CLDN16: variants seen among roughly 807,000 people sequenced by gnomAD.
CLDN16 encodes the protein claudin-16.
Under a neutral mutation model 24.6 loss-of-function variants are expected in CLDN16, and 13 were observed. The ratio of observed to expected loss-of-function variants is 0.53; its 90% confidence interval spans 0.34 to 0.84. The LOEUF (loss-of-function observed/expected upper bound fraction) is 0.84, where lower values mean the gene tolerates loss of function less well. Among genes scored for constraint, CLDN16 ranks in the 40% least tolerant of loss-of-function variants. The pLI is 0.01. For synonymous variants in CLDN16, 116 were observed against 106.7 expected (o/e 1.09, Z -0.54); for missense variants, 298 against 292.7 (o/e 1.02, Z -0.13).
the CLDN16 span, among the ~76,000 whole-genome samples, chr3:190,316,247 T>C: frequency 6.6e-6 from 1 of 152,226 alleles, no homozygotes; most frequent in Non-Finnish European, 1.5e-5. Flanking sequence ...AAATGTCGTT[T>C]TGCAAAGTAA....
At position 190,410,235 on chromosome 3, in the gene CLDN16, C is replaced by A. The variant is rs1034332544; in HGVS notation, c.*199C>A. 3 of 614,278 alleles carry A rather than the reference C, an allele frequency of 4.9e-6. No homozygotes were observed. Among genetic ancestry groups the A allele is most frequent in the Admixed American group, 2.6e-5 (1 of 38,952 alleles). 38.1% of individuals were successfully genotyped at this position (614,278 alleles called of 1,614,324 possible). On this transcript the variant is annotated 3_prime_UTR_variant, in exon 5 of 5. Coordinates refer to ENST00000264734, the MANE Select transcript of CLDN16 (RefSeq NM_006580.4). Reference sequence around the variant, plus strand: ...ATTTTCCCGTCATTCTCTCTGCTAACCTTCCACCTTATGCACACACTTTCC... The same window carrying A: ...ATTTTCCCGTCATTCTCTCTGCTAAACTTCCACCTTATGCACACACTTTCC...
intron 1 of CLDN16, among the ~76,000 whole-genome samples, chr3:190,396,274 C>A (rs569775151): frequency 2.0e-5 from 3 of 152,280 alleles, no homozygotes; most frequent in Admixed American, 1.3e-4. Context: ...TAAACACTTT[C>A]CAGAGCCAGT....
At chr3:190,318,420 T>G (rs1716826475), upstream of CLDN16, among the ~76,000 whole-genome samples, 1 of 152,198 alleles carries the variant, frequency 6.6e-6, no homozygotes, top group South Asian at 2.1e-4. Flanking sequence ...GGAAGGAATC[T>G]TAGAACTCAT....
At chr3:190,339,768 T>C (rs896532043) in intron 1 of CLDN16, among the ~76,000 whole-genome samples, 1 of 152,224 alleles carries the variant, frequency 6.6e-6, no homozygotes, top group Non-Finnish European at 1.5e-5. Context: ...GCGGAGCTTG[T>C]AGTCTTAATA....
In CLDN16 at chr3:190,408,493, T is replaced by C. The variant is rs143097871; in HGVS notation, c.562T>C (p.Tyr188His). The C allele has an allele frequency of 6.1e-5, 98 of 1,614,000 alleles. No individual in the cohort carries two copies. The African/African-American group carries it at 1.3e-3, about 21-fold the overall frequency. ...LAGAVLTCCL[Y>H]LFKDVGPERN... is the part of the protein sequence containing the mutation. The stretch of plus-strand genomic sequence containing the variant: ...TGGAGCTGTTCTCACCTGCTGCTTA[T>C]ATCTTTTTAAAGGTAAGAATAAAAT... Residue 188 changes from tyrosine (Y) to histidine (H), a missense_variant, in exon 4 of 5, where the codon TAT (tyrosine) becomes CAT (histidine). Tyr to His is a moderately conservative substitution (Grantham distance 83). Transcript: ENST00000264734.
chr3:190,359,064 T>A (rs909853798), intron 1 of CLDN16, among the ~76,000 whole-genome samples: 2 of 152,032 alleles, frequency 1.3e-5, no homozygotes, highest in African/African-American at 4.8e-5. Context: ...CTCAAGTTAA[T>A]AAACTTTTCT....
intron 1 of CLDN16, among the ~76,000 whole-genome samples, 199 bp downstream of exon 1, chr3:190,388,642 A>G (rs1718571790): frequency 6.6e-6 from 1 of 152,204 alleles, no homozygotes; most frequent in Non-Finnish European, 1.5e-5. Context: ...TTGTTATCCC[A>G]TTAAACAGAT....
intron 1 of CLDN16, among the ~76,000 whole-genome samples, chr3:190,359,444 A>G (rs1717842339): frequency 6.6e-6 from 1 of 152,084 alleles, no homozygotes; most frequent in Non-Finnish European, 1.5e-5. Context: ...AATCCAGTGC[A>G]GCTTTATTGC....
chr3:190,368,155 A>G (rs1277986525), intron 1 of CLDN16, among the ~76,000 whole-genome samples: 3 of 151,972 alleles, frequency 2.0e-5, no homozygotes, highest in Non-Finnish European at 2.9e-5. Flanking sequence ...TGTGTGATCA[A>G]TAGAATTCAG....
intron 1 of CLDN16, among the ~76,000 whole-genome samples, chr3:190,335,151 C>T (rs1422584910): frequency 6.6e-6 from 1 of 151,428 alleles, no homozygotes; most frequent in Non-Finnish European, 1.5e-5. Flanking sequence ...TCAAGCGATT[C>T]TCCTGCCACA....
intron 1 of CLDN16, among the ~76,000 whole-genome samples, chr3:190,340,514 C>T (rs959732265): frequency 6.6e-6 from 1 of 152,072 alleles, no homozygotes; most frequent in Non-Finnish European, 1.5e-5. Flanking sequence ...ACAGGAAAGA[C>T]CTCCCACCCA....
intron 1 of CLDN16, among the ~76,000 whole-genome samples, chr3:190,324,322 A>G (rs1717010208): frequency 6.6e-6 from 1 of 152,048 alleles, no homozygotes; most frequent in African/African-American, 2.4e-5. Flanking sequence ...GTCTCTACTA[A>G]CAATATGAAA....
At chr3:190,291,084 T>G in the CLDN16 span, among the ~76,000 whole-genome samples, 1 of 152,156 alleles carries the variant, frequency 6.6e-6, no homozygotes, top group Non-Finnish European at 1.5e-5. Flanking sequence ...TGCGGAACCA[T>G]AGCATGTGGA....
intron 1 of CLDN16, among the ~76,000 whole-genome samples, chr3:190,391,166 C>T: frequency 6.7e-6 from 1 of 149,642 alleles, no homozygotes; most frequent in South Asian, 2.1e-4. Context: ...AAAAGGAATA[C>T]CAATAGACAA....
At chr3:190,389,169 C>A (rs1718585596) in intron 1 of CLDN16, among the ~76,000 whole-genome samples, 1 of 152,094 alleles carries the variant, frequency 6.6e-6, no homozygotes, top group South Asian at 2.1e-4. Context: ...AGTTCAAAAC[C>A]ATTACCTGTG....
At chr3:190,401,779 T>C (rs1013352333) in intron 1 of CLDN16, among the ~76,000 whole-genome samples, 1 of 152,150 alleles carries the variant, frequency 6.6e-6, no homozygotes, top group Non-Finnish European at 1.5e-5. Context: ...GGGGCCTTTA[T>C]ATATTTTATT....
intron 1 of CLDN16, among the ~76,000 whole-genome samples, chr3:190,370,496 G>C (rs945719206): frequency 2.6e-5 from 4 of 151,892 alleles, no homozygotes; most frequent in African/African-American, 9.7e-5. Context: ...AAAATTTAGA[G>C]TTTCTAAATG....
chr3:190,361,292 G>T (rs1464606842), intron 1 of CLDN16, among the ~76,000 whole-genome samples: 2 of 151,974 alleles, frequency 1.3e-5, no homozygotes, highest in Non-Finnish European at 2.9e-5. Context: ...CTTAGTGAAA[G>T]TGCCTTTGCA....
At position 190,388,338 on chromosome 3, in the gene CLDN16, T is replaced by A. The variant is rs1482253091; in HGVS notation, c.9T>A (p.Asp3Glu). The A allele has an allele frequency of 6.2e-7, 1 of 1,614,096 alleles. No individual in the cohort carries two copies. ...ATGGGCTGCTTGCCACAATGAGGGA[T>A]CTTCTTCAATACATCGCTTGCTTCT... MR[D>E]LLQYIACFFA... Residue 3 changes from aspartate to glutamate, a missense_variant, in exon 1 of 5, where the codon GAT becomes GAA. Transcript: ENST00000264734.
Sources: allele counts gnomAD v4.1 joint callset (sites outside exome capture counted in the v4.1 genomes callset), GRCh38; gene constraint gnomAD v4.1.1; transcripts MANE v1.5; gene names NCBI Gene and HGNC (gene_info 2026-07-23, HGNC 2026-07-21).